WWOX: variants seen among roughly 807,000 people sequenced by gnomAD.
WWOX encodes the protein WW domain containing oxidoreductase.
In WWOX, 69 loss-of-function variants were observed where a neutral mutation model predicts 46.2. The observed-to-expected ratio is 1.49, with a 90% CI of 1.23 to 1.82. WWOX has a LOEUF of 1.82. WWOX is among the 40% of genes most tolerant of loss of function. The pLI is 0.00. For synonymous variants in WWOX, 359 were observed against 202.6 expected, an observed-to-expected ratio of 1.77 and a Z score of -6.56; for missense variants, 919 against 542.6, an observed-to-expected ratio of 1.69 and a Z score of -6.89.
At chr16:78,100,424 T>C (rs962883919) in intron 1 of WWOX, among the ~76,000 whole-genome samples, 4 of 152,184 alleles carry the variant, frequency 2.6e-5, no homozygotes, top group African/African-American at 9.7e-5. Flanking sequence ...GACTAATTTT[T>C]TAAGTATTTG....
chr16:78,422,844 TACACAC>T (rs370327902), intron 6 of WWOX, among the ~76,000 whole-genome samples: 7,151 of 104,986 alleles, frequency 0.068, 344 homozygotes, highest in South Asian at 0.18. Flanking sequence ...TATATACATA[TACACAC>T]ACACACACAC....
Position 78,458,459 on chromosome 16 carries a change from C to G in WWOX, c.1056+25707C>G, listed in dbSNP as rs748963643. Among the ~76,000 whole-genome samples the G allele has an allele frequency of 4.3e-4, 66 of 152,042 alleles. 1 individual carries two copies. The highest frequency in any genetic ancestry group is 8.7e-4 in the Non-Finnish European group (59 of 67,962). On this transcript the variant is annotated intron_variant, in intron 8 of 8. Transcript: ENST00000566780. ...AATTTTTTATAGAGACAAGGTTTCCCTATGTTGCCCAGGCTGGTCTGGAAC... is the reference window on the plus strand; with the variant it reads ...AATTTTTTATAGAGACAAGGTTTCCGTATGTTGCCCAGGCTGGTCTGGAAC...
chr16:78,726,993 C>G (rs986766461), intron 8 of WWOX, among the ~76,000 whole-genome samples: 2 of 152,150 alleles, frequency 1.3e-5, no homozygotes, highest in East Asian at 3.9e-4. Flanking sequence ...TTCCTTTTTC[C>G]TGAGAGCAGC....
At chr16:78,265,518 A>G (rs575156716) in intron 5 of WWOX, among the ~76,000 whole-genome samples, 108 of 152,038 alleles carry the variant, frequency 7.1e-4, no homozygotes, top group African/African-American at 2.5e-3. Flanking sequence ...GTCTCTACTA[A>G]AAATACAAAA....
chr16:78,139,104 T>G (rs1286293190), intron 4 of WWOX, among the ~76,000 whole-genome samples: 4 of 152,034 alleles, frequency 2.6e-5, no homozygotes, highest in African/African-American at 9.7e-5. Context: ...GCAAAGTCAT[T>G]GGGTCATGTC....
At chr16:78,456,923 T>G (rs902201722) in intron 8 of WWOX, among the ~76,000 whole-genome samples, 19 of 152,264 alleles carry the variant, frequency 1.2e-4, no homozygotes, top group Admixed American at 5.2e-4. Context: ...ATCACCCTTA[T>G]GAAGAGTTAC....
intron 5 of WWOX, among the ~76,000 whole-genome samples, chr16:78,359,794 G>T (rs539205937): frequency 2.0e-5 from 3 of 152,202 alleles, no homozygotes; most frequent in African/African-American, 7.2e-5. Context: ...CACAAGGCAT[G>T]ATGCCATTCC....
At chr16:78,176,973 C>T (rs2035369579) in intron 5 of WWOX, among the ~76,000 whole-genome samples, 1 of 152,178 alleles carries the variant, frequency 6.6e-6, no homozygotes, top group Non-Finnish European at 1.5e-5. Flanking sequence ...CCTGCAGCAT[C>T]AGTGTCACTT....
chr16:78,491,972 T>A (rs1370441826), intron 8 of WWOX, among the ~76,000 whole-genome samples: 1 of 152,140 alleles, frequency 6.6e-6, no homozygotes, highest in Non-Finnish European at 1.5e-5. Context: ...ACTTTCTCCC[T>A]GGTCCAGGTG....
chr16:79,076,018 T>C (rs1423126064), intron 8 of WWOX, among the ~76,000 whole-genome samples: 1 of 152,222 alleles, frequency 6.6e-6, no homozygotes, highest in Non-Finnish European at 1.5e-5. Flanking sequence ...GTTTTTTTCT[T>C]CTTACAGTAT....
intron 8 of WWOX, among the ~76,000 whole-genome samples, chr16:79,180,623 A>G (rs763383959): frequency 7.9e-5 from 12 of 152,178 alleles, no homozygotes; most frequent in East Asian, 5.8e-4. Context: ...CATTCATTCA[A>G]TTGCTTAATT....
In WWOX at chr16:79,025,804, C is replaced by T. The variant is rs12928978; in HGVS notation, c.1057-185804C>T. 8.8e-3 allele frequency among the ~76,000 whole-genome samples: 915 copies of T among 104,062 alleles called. 55 individuals are homozygous for T. Among genetic ancestry groups the T allele is most frequent in the African/African-American group, 0.033 (877 of 26,484 alleles). 68.3% of individuals were successfully genotyped at this position (104,062 alleles called of 152,430 possible). A position where few individuals can be genotyped will look rare whatever the true frequency, so the allele number is the denominator to read the frequency against. ...TTCTTTGCTTTGCTTTGCTTGCTTG[C>T]TTTTTTTTTTTGAGACGGAGTTTTG... On this transcript the variant is annotated intron_variant, in intron 8 of 8. Transcript: ENST00000566780.
intron 8 of WWOX, among the ~76,000 whole-genome samples, chr16:78,560,853 G>C (rs1207010878): frequency 6.6e-6 from 1 of 151,842 alleles, no homozygotes; most frequent in African/African-American, 2.4e-5. Flanking sequence ...GTTGCATGCT[G>C]CAGAATTTTT....
At chr16:78,900,059 T>C (rs950321184) in intron 8 of WWOX, among the ~76,000 whole-genome samples, 3 of 78,784 alleles carry the variant, frequency 3.8e-5, no homozygotes, top group Non-Finnish European at 7.5e-5. Flanking sequence ...CCTCCTGACT[T>C]TTTTTTTTTT....
intron 8 of WWOX, among the ~76,000 whole-genome samples, chr16:78,724,366 C>T (rs908479518): frequency 1.3e-5 from 2 of 152,138 alleles, no homozygotes; most frequent in Non-Finnish European, 2.9e-5. Context: ...TTAGCAACAA[C>T]TCCTAAAATA....
chr16:79,197,897 G>C (rs963763276), intron 8 of WWOX, among the ~76,000 whole-genome samples: 2 of 152,170 alleles, frequency 1.3e-5, no homozygotes, highest in Admixed American at 6.5e-5. Flanking sequence ...TCAGCAGGAA[G>C]TTATGCTTCC....
Position 78,934,609 on chromosome 16 carries a change from C to A in WWOX, c.1057-276999C>A, listed in dbSNP as rs141453501. Among the ~76,000 whole-genome samples, 121 of 152,100 alleles carry A rather than the reference C, an allele frequency of 8.0e-4. 2 individuals carry two copies. In the East Asian group the frequency reaches 8.5e-3, roughly 11 times the overall value. ...GCATCTGTTTTTACCCTACCCTCTT[C>A]CCCTATGACCCACCACCACGCAGGC... On this transcript the variant is annotated intron_variant, in intron 8 of 8. Coordinates refer to ENST00000566780, the MANE Select transcript of WWOX (RefSeq NM_016373.4).
chr16:78,238,699 G>C (rs1012850977), intron 5 of WWOX, among the ~76,000 whole-genome samples: 20 of 151,476 alleles, frequency 1.3e-4, no homozygotes, highest in South Asian at 8.4e-4. Context: ...GGCTCGCCAT[G>C]ATCTCTACCT....
At chr16:78,671,395 G>T (rs1199350129) in intron 8 of WWOX, among the ~76,000 whole-genome samples, 1 of 152,100 alleles carries the variant, frequency 6.6e-6, no homozygotes, top group Non-Finnish European at 1.5e-5. Flanking sequence ...ACTGCACTCC[G>T]GCCTGGGTGA....
Sources: allele counts gnomAD v4.1 joint callset (sites outside exome capture counted in the v4.1 genomes callset), GRCh38; gene constraint gnomAD v4.1.1; transcripts MANE v1.5; gene names NCBI Gene and HGNC (gene_info 2026-07-23, HGNC 2026-07-21).